Variants in MTF2 observed in about 807,000 individuals in gnomAD.
The protein encoded by MTF2 is metal-response element-binding transcription factor 2.
A neutral mutation model predicts 79.5 loss-of-function variants in MTF2; 11 were observed. The observed-to-expected ratio is 0.14, with a 90% CI of 0.09 to 0.23. The LOEUF is 0.23. Ranked by LOEUF, MTF2 falls within the 10% of genes least tolerant of loss-of-function variation. The pLI is 1.00. For missense variants in MTF2, 486 were observed against 711.2 expected, an observed-to-expected ratio of 0.68 and a Z score of 3.60; for synonymous variants, 208 against 232.8, an observed-to-expected ratio of 0.89 and a Z score of 0.97.
chr1:93,103,909 A>G (rs1252115360), intron 1 of MTF2, among the ~76,000 whole-genome samples: 2 of 152,136 alleles, frequency 1.3e-5, no homozygotes, highest in Non-Finnish European at 2.9e-5. Context: ...TTGGGCAGAG[A>G]AATTTTAAAA....
chr1:93,129,520 C>T, intron 11 of MTF2, 72 bp downstream of exon 11: 1 of 1,204,692 alleles, frequency 8.3e-7, no homozygotes, highest in South Asian at 2.4e-5. Flanking sequence ...TATTTAGTCT[C>T]CTTAGTATAT....
chr1:93,104,899 G>A (rs942606953), intron 1 of MTF2, among the ~76,000 whole-genome samples: 13 of 152,044 alleles, frequency 8.6e-5, no homozygotes, highest in Non-Finnish European at 1.5e-5. Flanking sequence ...GCTCACGCCT[G>A]TAATCCCAGC....
intron 1 of MTF2, among the ~76,000 whole-genome samples, chr1:93,107,975 A>G (rs1003859549): frequency 6.6e-6 from 1 of 151,696 alleles, no homozygotes; most frequent in African/African-American, 2.4e-5. Flanking sequence ...TTTTAGAGAC[A>G]TTCTCCCTTT....
At chr1:93,116,064 T>C in intron 6 of MTF2, among the ~76,000 whole-genome samples, 1 of 152,158 alleles carries the variant, frequency 6.6e-6, no homozygotes, top group South Asian at 2.1e-4. Flanking sequence ...TGCTTTCTTC[T>C]ACGTATTTTC....
chr1:93,083,541 T>G (rs1654704676), intron 1 of MTF2, among the ~76,000 whole-genome samples: 1 of 152,126 alleles, frequency 6.6e-6, no homozygotes, highest in African/African-American at 2.4e-5. Flanking sequence ...ATGTATAGGG[T>G]TTGGGTGAAC....
In MTF2 at chr1:93,133,882, A is replaced by G. The variant is rs181106066; in HGVS notation, c.1267-46A>G. On this transcript the variant is annotated intron_variant, in intron 12 of 14. Coordinates refer to ENST00000370298, the MANE Select transcript of MTF2 (RefSeq NM_007358.4). ...TAACTGAGAAGCTAGTATTTTTTTC[A>G]GCTTACTTTAGAGACATGCTTTAAG... 3.3e-6 allele frequency: 5 copies of G among 1,530,662 alleles called. No homozygotes were observed. In the African/African-American group the frequency reaches 6.9e-5, roughly 21 times the overall value. 94.8% of individuals were successfully genotyped at this position (1,530,662 alleles called of 1,614,324 possible).
At chr1:93,114,619 T>C (rs374091751) in intron 3 of MTF2, 69 bp from the exon 4 acceptor site, 28 of 1,150,604 alleles carry the variant, frequency 2.4e-5, no homozygotes, top group Admixed American at 1.8e-4. Context: ...GCTCACTGAG[T>C]CATAAAAGTG....
chr1:93,084,003 A>G (rs1365101346), intron 1 of MTF2, among the ~76,000 whole-genome samples: 1 of 151,434 alleles, frequency 6.6e-6, no homozygotes, highest in African/African-American at 2.4e-5. Context: ...TTATCTTTTC[A>G]CTTTCCTGAT....
At chr1:93,116,815 A>G (rs1656266670) in intron 6 of MTF2, among the ~76,000 whole-genome samples, 1 of 152,122 alleles carries the variant, frequency 6.6e-6, no homozygotes, top group East Asian at 1.9e-4. Flanking sequence ...CTGTAAGATT[A>G]TTAATTAGCC....
At chr1:93,090,223 G>A (rs1381914058) in intron 1 of MTF2, among the ~76,000 whole-genome samples, 2 of 152,068 alleles carry the variant, frequency 1.3e-5, no homozygotes, top group South Asian at 2.1e-4. Flanking sequence ...TGATCCACCC[G>A]CCTCAGCCTC....
intron 1 of MTF2, among the ~76,000 whole-genome samples, chr1:93,101,596 T>TTTTTTTTTTTTTTTTTTTC (rs1655547646): frequency 7.9e-6 from 1 of 127,296 alleles, no homozygotes; most frequent in Non-Finnish European, 1.7e-5. Context: ...TTTTTTTTTT[T>TTTTTTTTTTTTTTTTTTTC]TGAGACAGGG....
At position 93,119,313 on chromosome 1, in the gene MTF2, C is replaced by CTTTTTTTTTTTTTT. The variant is rs74464389; in HGVS notation, c.729-19_729-6dup. ...CTGATGACTCAGTATAAAACTTTTT[C>CTTTTTTTTTTTTTT]TTTTTTTTTTTTTTCTTAGATTTTA... On this transcript the variant is annotated intron_variant, in intron 7 of 14. Transcript: ENST00000370298. The CTTTTTTTTTTTTTT allele has an allele frequency of 6.9e-6, 9 of 1,295,014 alleles. No homozygotes were observed. The highest frequency in any genetic ancestry group is 1.5e-5 in the South Asian group (1 of 67,600). 80.2% of individuals were successfully genotyped at this position (1,295,014 alleles called of 1,614,324 possible). A position where few individuals can be genotyped will look rare whatever the true frequency, so the allele number is the denominator to read the frequency against.
chr1:93,095,248 C>G (rs1254542958), intron 1 of MTF2, among the ~76,000 whole-genome samples: 1 of 152,078 alleles, frequency 6.6e-6, no homozygotes, highest in Non-Finnish European at 1.5e-5. Context: ...CTTATATTGA[C>G]CAGGCTGGTT....
intron 5 of MTF2, 49 bp downstream of exon 5, chr1:93,115,137 A>G: frequency 1.5e-6 from 2 of 1,336,004 alleles, no homozygotes; most frequent in Non-Finnish European, 2.1e-6. Flanking sequence ...TTTGTAAGAC[A>G]TTATCAACAT....
At chr1:93,098,418 T>C (rs1655386223) in intron 1 of MTF2, among the ~76,000 whole-genome samples, 1 of 152,240 alleles carries the variant, frequency 6.6e-6, no homozygotes, top group African/African-American at 2.4e-5. Flanking sequence ...TCCTTGGTGG[T>C]ATGTACTGTA....
chr1:93,108,479 C>T (rs796933824), intron 1 of MTF2, among the ~76,000 whole-genome samples: 2 of 152,296 alleles, frequency 1.3e-5, no homozygotes, highest in African/African-American at 4.8e-5. Context: ...CTCCCTGCAG[C>T]CTGCTTACTT....
At chr1:93,081,850 A>G (rs531270003) in intron 1 of MTF2, among the ~76,000 whole-genome samples, 1 of 152,336 alleles carries the variant, frequency 6.6e-6, no homozygotes, top group South Asian at 2.1e-4. Context: ...TAGCAGTGCT[A>G]CTGTATTGGA....
chr1:93,085,094 G>T (rs1463841517), intron 1 of MTF2, among the ~76,000 whole-genome samples: 1 of 151,968 alleles, frequency 6.6e-6, no homozygotes, highest in African/African-American at 2.4e-5. Flanking sequence ...TTTGTGAAGT[G>T]CTTATCTAGT....
At chr1:93,083,676 T>C (rs1001988487) in intron 1 of MTF2, among the ~76,000 whole-genome samples, 5 of 152,208 alleles carry the variant, frequency 3.3e-5, no homozygotes, top group Admixed American at 1.3e-4. Context: ...TTCTACAAGC[T>C]CACTAGCGAT....
Sources: allele counts gnomAD v4.1 joint callset (sites outside exome capture counted in the v4.1 genomes callset), GRCh38; gene constraint gnomAD v4.1.1; transcripts MANE v1.5; gene names NCBI Gene and HGNC (gene_info 2026-07-23, HGNC 2026-07-21).